Variants in REC114 observed in about 807,000 individuals in gnomAD.
REC114 encodes the protein REC114 meiotic recombination protein.
A neutral mutation model predicts 31.3 loss-of-function variants in REC114; 27 were observed. The ratio of observed to expected loss-of-function variants is 0.86; its 90% CI spans 0.64 to 1.19. The LOEUF (loss-of-function observed/expected upper bound fraction) is 1.19, where lower values mean the gene tolerates loss of function less well. REC114 is among the 50% of genes most tolerant of loss of function. The pLI, the probability that REC114 is intolerant of heterozygous loss-of-function variation, is 0.00. For missense variants in REC114, 344 were observed against 326.9 expected (o/e 1.05, Z -0.40); for synonymous variants, 134 against 127.7 (o/e 1.05, Z -0.33).
intron 2 of REC114, among the ~76,000 whole-genome samples, chr15:73,525,818 C>T (rs1255105738): frequency 6.6e-6 from 1 of 152,064 alleles, no homozygotes; most frequent in African/African-American, 2.4e-5. Flanking sequence ...TATTCTGCTG[C>T]TGATGATAGG....
At chr15:73,551,454 A>T (rs1407213922) in intron 4 of REC114, among the ~76,000 whole-genome samples, 1 of 152,146 alleles carries the variant, frequency 6.6e-6, no homozygotes, top group African/African-American at 2.4e-5. Context: ...TTTTCTTAAT[A>T]TTTAAAGAAA....
chr15:73,539,076 C>T (rs1894203148), intron 2 of REC114, among the ~76,000 whole-genome samples: 1 of 143,212 alleles, frequency 7.0e-6, no homozygotes, highest in Non-Finnish European at 1.5e-5. Flanking sequence ...TGCACTCCCA[C>T]CAGCAATGTG....
At chr15:73,477,210 T>C (rs1418172488) in intron 2 of REC114, among the ~76,000 whole-genome samples, 28 of 152,226 alleles carry the variant, frequency 1.8e-4, no homozygotes, top group Admixed American at 1.8e-3. Flanking sequence ...TGCCTTCTTA[T>C]ATTCGAATTT....
intron 2 of REC114, among the ~76,000 whole-genome samples, chr15:73,515,595 G>A (rs1282801011): frequency 6.6e-6 from 1 of 152,094 alleles, no homozygotes; most frequent in Non-Finnish European, 1.5e-5. Flanking sequence ...CATGAGAGTG[G>A]AGCCTGTGAT....
At chr15:73,446,165 G>A (rs1035433374) in intron 1 of REC114, among the ~76,000 whole-genome samples, 1 of 152,154 alleles carries the variant, frequency 6.6e-6, no homozygotes, top group African/African-American at 2.4e-5. Flanking sequence ...TTTTGTTCTA[G>A]TGGTATGCTT....
intron 3 of REC114, among the ~76,000 whole-genome samples, chr15:73,549,501 G>A (rs1894358981): frequency 6.6e-6 from 1 of 152,142 alleles, no homozygotes; most frequent in Admixed American, 6.5e-5. Flanking sequence ...GTAACACAAA[G>A]GATAAGTGCT....
chr15:73,495,389 T>C (rs1483482484), intron 2 of REC114, among the ~76,000 whole-genome samples: 1 of 152,106 alleles, frequency 6.6e-6, no homozygotes, highest in Non-Finnish European at 1.5e-5. Context: ...TTTGGGTATG[T>C]TGAAAGTTTG....
At chr15:73,473,158 G>A (rs1288925613) in intron 1 of REC114, among the ~76,000 whole-genome samples, 2 of 152,146 alleles carry the variant, frequency 1.3e-5, no homozygotes, top group Non-Finnish European at 2.9e-5. Flanking sequence ...GGGAGGCTGA[G>A]GTGGGCAGAT....
intron 3 of REC114, among the ~76,000 whole-genome samples, chr15:73,547,582 A>G (rs1894327653): frequency 6.6e-6 from 1 of 152,230 alleles, no homozygotes; most frequent in African/African-American, 2.4e-5. Flanking sequence ...GTATCAGGAT[A>G]TCTGCACCCC....
intron 1 of REC114, among the ~76,000 whole-genome samples, chr15:73,461,917 CTTTTCTTTTTT>C: frequency 1.3e-5 from 1 of 79,438 alleles, no homozygotes; most frequent in Admixed American, 1.2e-4. Context: ...TTTTCTTTTT[CTTTTCTTTTTT>C]TTTTTTTTTT....
chr15:73,487,395 T>C (rs530723716), intron 2 of REC114, among the ~76,000 whole-genome samples: 23 of 152,330 alleles, frequency 1.5e-4, no homozygotes, highest in East Asian at 1.2e-3. Context: ...GAGCCTGTGA[T>C]ATCAAACAGG....
intron 2 of REC114, among the ~76,000 whole-genome samples, chr15:73,529,320 A>C (rs912963802): frequency 2.6e-5 from 4 of 151,780 alleles, no homozygotes; most frequent in African/African-American, 9.7e-5. Context: ...TGTATTTTTT[A>C]GTAAAGACGG....
chr15:73,499,004 TTTG>T lies in REC114; in HGVS notation c.249+25096_249+25098del, dbSNP rs756680438. ...TTGGTCATAGGCTGGAATTTCATTT[TTTG>T]TTGTTGTTGTTGGTCTTTGGCTACT... On this transcript the variant is annotated intron_variant, in intron 2 of 5. Transcript: ENST00000331090. Among the ~76,000 whole-genome samples the T allele has an allele frequency of 2.3e-4, 35 of 152,188 alleles. 1 individual carries two copies. The highest frequency in any genetic ancestry group is 1.7e-3 in the Admixed American group (26 of 15,278).
At chr15:73,505,709 GTT>G (rs1281938380) in intron 2 of REC114, among the ~76,000 whole-genome samples, 1 of 151,882 alleles carries the variant, frequency 6.6e-6, no homozygotes, top group Non-Finnish European at 1.5e-5. Context: ...TTTTTTGTAT[GTT>G]TTAGTAGAGA....
chr15:73,454,028 T>A (rs1892886061), intron 1 of REC114, among the ~76,000 whole-genome samples: 1 of 151,976 alleles, frequency 6.6e-6, no homozygotes, highest in Non-Finnish European at 1.5e-5. Context: ...GACCACAGGT[T>A]AATGGGTGCA....
chr15:73,532,136 C>A (rs941688068), intron 2 of REC114, among the ~76,000 whole-genome samples: 1 of 151,100 alleles, frequency 6.6e-6, no homozygotes, highest in South Asian at 2.1e-4. Flanking sequence ...CCTCCCCCCT[C>A]GCCCCACCCC....
chr15:73,526,649 A>G (rs1223415331), intron 2 of REC114, among the ~76,000 whole-genome samples: 1 of 152,180 alleles, frequency 6.6e-6, no homozygotes, highest in East Asian at 1.9e-4. Context: ...TATTCATGAA[A>G]TAGCTTCTTC....
chr15:73,547,281 G>T (rs1894323997), intron 3 of REC114, among the ~76,000 whole-genome samples: 1 of 152,090 alleles, frequency 6.6e-6, no homozygotes, highest in Non-Finnish European at 1.5e-5. Context: ...TGGTAAACAG[G>T]TATATGAAAA....
chr15:73,463,300 G>A (rs1244072949), intron 1 of REC114, among the ~76,000 whole-genome samples: 1 of 152,022 alleles, frequency 6.6e-6, no homozygotes, highest in Non-Finnish European at 1.5e-5. Context: ...CCATCTCTGT[G>A]GTGCAGTTTA....
Sources: allele counts gnomAD v4.1 joint callset (sites outside exome capture counted in the v4.1 genomes callset), GRCh38; gene constraint gnomAD v4.1.1; transcripts MANE v1.5; gene names NCBI Gene and HGNC (gene_info 2026-07-23, HGNC 2026-07-21).